The following TSPAN13 variants were observed in gnomAD, a reference collection of about 807,000 sequenced individuals.
The protein encoded by TSPAN13 is tetraspanin 13, also known as tetraspanin-13.
Under a neutral mutation model 26.9 loss-of-function variants are expected in TSPAN13, and 18 were observed. The observed-to-expected ratio is 0.67, with a 90% CI of 0.46 to 0.99. The LOEUF is 0.99. Ranked by LOEUF, TSPAN13 falls within the 50% of genes least tolerant of loss-of-function variation. The pLI, the probability that TSPAN13 is intolerant of heterozygous loss-of-function variation, is 0.00. For missense variants in TSPAN13, 201 were observed against 249.6 expected (o/e 0.81, Z 1.31); for synonymous variants, 116 against 98.4 (o/e 1.18, Z -1.06).
chr7:16,754,011 C>T lies in TSPAN13; in HGVS notation c.44C>T (p.Ala15Val), dbSNP rs781672891. 3.7e-6 allele frequency: 6 copies of T among 1,613,798 alleles called. No individual in the cohort carries two copies. The South Asian group carries it at 5.5e-5, about 15-fold the overall frequency. Residue 15 changes from alanine to valine, a missense_variant, in exon 1 of 6, where the codon GCC becomes GTC. Coordinates refer to ENST00000262067, the MANE Select transcript of TSPAN13 (RefSeq NM_014399.4). ...GFACSKNCLCALNLLYTLVSL... is the reference protein window; with the variant it reads ...GFACSKNCLCVLNLLYTLVSL... The stretch of plus-strand genomic sequence containing the variant: ...GCGTGTTCCAAGAACTGCCTGTGCG[C>T]CCTCAACCTGCTTTACACCGTGAGT...
At position 16,776,195 on chromosome 7, in the gene TSPAN13, C is replaced by G. The variant is rs759261227; in HGVS notation, c.64-16C>G. On this transcript the variant is annotated splice_polypyrimidine_tract_variant and intron_variant, in intron 1 of 5. Coordinates refer to ENST00000262067, the MANE Select transcript of TSPAN13 (RefSeq NM_014399.4). ...CTCTCTCGTCCTCTACCCCTGCCCCCTGGGTGTTTTTGCAGTTGGTTAGTC... is the reference window on the plus strand; with the variant it reads ...CTCTCTCGTCCTCTACCCCTGCCCCGTGGGTGTTTTTGCAGTTGGTTAGTC... 1.9e-6 allele frequency: 3 copies of G among 1,612,170 alleles called. No individual in the cohort carries two copies. Among genetic ancestry groups the G allele is most frequent in the Non-Finnish European group, 2.5e-6 (3 of 1,178,644 alleles).
rs10215962 is a variant in TSPAN13, at chr7:16,782,841, A to G, written c.541-576A>G. Among the ~76,000 whole-genome samples the G allele has an allele frequency of 4.1e-3, 625 of 152,354 alleles. 5 individuals are homozygous for G. The highest frequency in any genetic ancestry group is 0.014 in the African/African-American group (588 of 41,590). ...TCTGCTGTAACAGGTTACCACACAC[A>G]TAGTTGCTTAACACAACACAAACTT... is the stretch of plus-strand genomic sequence containing the variant. On this transcript the variant is annotated intron_variant, in intron 5 of 5. Coordinates refer to ENST00000262067, the MANE Select transcript of TSPAN13 (RefSeq NM_014399.4).
At chr7:16,764,670 A>G (rs537081074) in intron 1 of TSPAN13, among the ~76,000 whole-genome samples, 65 of 152,186 alleles carry the variant, frequency 4.3e-4, no homozygotes, top group Non-Finnish European at 7.1e-4. Flanking sequence ...AAGTAAATTA[A>G]AGAGATGCTA....
intron 1 of TSPAN13, among the ~76,000 whole-genome samples, chr7:16,755,426 G>T (rs1392457135): frequency 6.6e-6 from 1 of 151,914 alleles, no homozygotes; most frequent in Admixed American, 6.6e-5. Context: ...AACACCTGGT[G>T]ATACAGTTCC....
At chr7:16,758,133 A>ATAAAATGCTCCCGGCCTG (rs1188340052) in intron 1 of TSPAN13, among the ~76,000 whole-genome samples, 1 of 152,106 alleles carries the variant, frequency 6.6e-6, no homozygotes, top group African/African-American at 2.4e-5. Flanking sequence ...TTTATCTACT[A>ATAAAATGCTCCCGGCCTG]TAAAATGCTC....
At chr7:16,772,465 G>GGA (rs1784691230) in intron 1 of TSPAN13, among the ~76,000 whole-genome samples, 1 of 152,172 alleles carries the variant, frequency 6.6e-6, no homozygotes. Context: ...GGGACCTGGG[G>GGA]GAGAATCTGT....
chr7:16,757,924 C>T lies in TSPAN13; in HGVS notation c.63+3894C>T, dbSNP rs1327922491. Among the ~76,000 whole-genome samples, 3 of 152,158 alleles carry T rather than the reference C, an allele frequency of 2.0e-5. No individual in the cohort carries two copies. The East Asian group carries it at 5.8e-4, about 29-fold the overall frequency. On this transcript the variant is annotated intron_variant, in intron 1 of 5. Coordinates refer to ENST00000262067, the MANE Select transcript of TSPAN13 (RefSeq NM_014399.4). Reference sequence around the variant, plus strand: ...TCTTGGCTCACTGCAACCTCCGCCTCCTGGGTTCAAGCGATTCTCCTGCCT... The same window carrying T: ...TCTTGGCTCACTGCAACCTCCGCCTTCTGGGTTCAAGCGATTCTCCTGCCT...
chr7:16,765,274 T>A (rs148720560), intron 1 of TSPAN13, among the ~76,000 whole-genome samples: 2 of 149,100 alleles, frequency 1.3e-5, no homozygotes, highest in Middle Eastern at 6.8e-3. Flanking sequence ...TAATTTTTTT[T>A]ATTTTTTTGG....
At chr7:16,760,911 C>T (rs1784534905) in intron 1 of TSPAN13, among the ~76,000 whole-genome samples, 1 of 152,170 alleles carries the variant, frequency 6.6e-6, no homozygotes, top group Admixed American at 6.5e-5. Flanking sequence ...GTCATTCTGG[C>T]TTTCCTGTGT....
At position 16,776,376 on chromosome 7, in the gene TSPAN13, T is replaced by C; in HGVS notation, c.229T>C (p.Phe77Leu). Residue 77 changes from phenylalanine to leucine, a missense_variant and splice_region_variant, in exon 2 of 6, where the codon TTT becomes CTT. Phe to Leu is a conservative substitution (Grantham distance 22, BLOSUM62 0). Transcript: ENST00000262067. Reference protein sequence around the residue: ...AVKHHQVLLFFYMIILLLVFI... With the variant: ...AVKHHQVLLFLYMIILLLVFI... ...AAAACATCATCAGGTGTTGCTATTTTTTGTATCCTTTTTAAAAATCAAGAT... is the reference window on the plus strand; with the variant it reads ...AAAACATCATCAGGTGTTGCTATTTCTTGTATCCTTTTTAAAAATCAAGAT... 1 of 1,609,332 alleles carries C rather than the reference T, an allele frequency of 6.2e-7. No homozygotes were observed. The highest frequency in any genetic ancestry group is 1.1e-5 in the South Asian group (1 of 90,098).
intron 5 of TSPAN13, among the ~76,000 whole-genome samples, chr7:16,779,986 C>T (rs866067389): frequency 1.3e-4 from 19 of 151,820 alleles, no homozygotes; most frequent in South Asian, 6.2e-4. Flanking sequence ...TTAGCCAGGA[C>T]GGTCTGGATC....
intron 1 of TSPAN13, among the ~76,000 whole-genome samples, chr7:16,762,576 A>T (rs1233563739): frequency 6.6e-6 from 1 of 152,188 alleles, no homozygotes; most frequent in Non-Finnish European, 1.5e-5. Flanking sequence ...CTTTAAAACC[A>T]AGACCACAAT....
chr7:16,777,161 A>C, intron 3 of TSPAN13, 39 bp downstream of exon 3: 1 of 1,403,960 alleles, frequency 7.1e-7, no homozygotes. Flanking sequence ...ATTATACCAC[A>C]TAGCATGAGT....
At chr7:16,781,329 T>C (rs1289222520) in intron 5 of TSPAN13, among the ~76,000 whole-genome samples, 11 of 152,210 alleles carry the variant, frequency 7.2e-5, no homozygotes, top group Non-Finnish European at 1.3e-4. Context: ...ATGTACTTTA[T>C]TTTTCTACAT....
At position 16,776,240 on chromosome 7, in the gene TSPAN13, T is replaced by G; in HGVS notation, c.93T>G (p.Ala31=). 2 of 1,614,148 alleles carry G rather than the reference T, an allele frequency of 1.2e-6. No homozygotes were observed. The highest frequency in any genetic ancestry group is 8.5e-7 in the Non-Finnish European group (1 of 1,180,014). ...TLVSLLLIGI[A]AWGIGFGLIS... ...TTAGTCTGCTGCTAATTGGAATTGCTGCGTGGGGCATTGGCTTCGGGCTGA... is the reference window on the plus strand; with the variant it reads ...TTAGTCTGCTGCTAATTGGAATTGCGGCGTGGGGCATTGGCTTCGGGCTGA... The change falls in exon 2 of 6, where the codon GCT becomes GCG. Residue 31 remains alanine, a synonymous_variant. Coordinates refer to ENST00000262067, the MANE Select transcript of TSPAN13 (RefSeq NM_014399.4).
chr7:16,763,846 GA>G (rs1470562514), intron 1 of TSPAN13, among the ~76,000 whole-genome samples: 2 of 152,166 alleles, frequency 1.3e-5, no homozygotes, highest in African/African-American at 2.4e-5. Context: ...ATGTGTCTAA[GA>G]CAGAGGTCAT....
chr7:16,770,558 CAGTT>C (rs1442598076), intron 1 of TSPAN13, among the ~76,000 whole-genome samples: 3 of 152,202 alleles, frequency 2.0e-5, no homozygotes, highest in Admixed American at 6.5e-5. Context: ...TAGTCTCCTT[CAGTT>C]AGTTCTGTCA....
chr7:16,779,810 C>T (rs1315421914), intron 5 of TSPAN13, among the ~76,000 whole-genome samples: 3 of 146,810 alleles, frequency 2.0e-5, no homozygotes, highest in African/African-American at 5.0e-5. Context: ...CTTGCTCTGT[C>T]ACCCAGGCTG....
chr7:16,754,150 C>A, intron 1 of TSPAN13, 120 bp downstream of exon 1: 1 of 990,418 alleles, frequency 1.0e-6, no homozygotes, highest in Non-Finnish European at 1.4e-6. Context: ...TCCCGGCTTC[C>A]CACGTCTGCG....
Sources: gnomAD v4.1 joint callset for allele counts (sites outside exome capture counted in the v4.1 genomes callset) on GRCh38, gnomAD v4.1.1 for gene constraint, MANE v1.5 for transcripts, NCBI Gene and HGNC (gene_info 2026-07-23, HGNC 2026-07-21) for gene names.